SLC25A3: variants seen among roughly 807,000 people sequenced by gnomAD.
SLC25A3 encodes the protein phosphate transport protein.
Under a neutral mutation model 37.1 loss-of-function variants are expected in SLC25A3, and 14 were observed. That is an observed-to-expected ratio of 0.38 (90% CI 0.25 to 0.59). SLC25A3 has a LOEUF of 0.59. SLC25A3 is among the 20% of genes least tolerant of loss of function. The probability of loss-of-function intolerance (pLI) is 0.67; values close to 1 mark genes in which losing one functional copy is unlikely to be tolerated. For synonymous variants in SLC25A3, 161 were observed against 168.7 expected (o/e 0.95, Z 0.36); for missense variants, 385 against 458.1 (o/e 0.84, Z 1.46).
rs1455468596 is a variant in SLC25A3, at chr12:98,594,308, T to C, written c.157+173T>C. ...CGGCCTTTTCCACCATAGGCGGGTG[T>C]CAGATCCTTGGCCTTCCCTCAAGGG... is the stretch of plus-strand genomic sequence containing the variant. On this transcript the variant is annotated intron_variant, in intron 2 of 7. Transcript: ENST00000552981. 1.1e-5 allele frequency: 8 copies of C among 712,674 alleles called. No homozygotes were observed. In the Admixed American group the frequency reaches 1.6e-4, roughly 14 times the overall value. 44.1% of individuals were successfully genotyped at this position (712,674 alleles called of 1,614,324 possible). A position where few individuals can be genotyped will look rare whatever the true frequency, so the allele number is the denominator to read the frequency against.
chr12:98,594,071 C>T lies in SLC25A3; in HGVS notation c.93C>T (p.Ser31=). Residue 31 remains serine, a synonymous_variant, in exon 2 of 8, where the codon AGC becomes AGT. Transcript: ENST00000552981. ...LVHDGLGDLR[S]SSPGPTGQPR... is the part of the protein sequence containing the mutation. ...ACGATGGTCTCGGGGACCTCCGCAG[C>T]AGCTCCCCAGGGCCCACGGGCCAGC... is the stretch of plus-strand genomic sequence containing the variant. 6.2e-7 allele frequency: 1 copy of T among 1,612,678 alleles called. No homozygotes were observed. Among genetic ancestry groups the T allele is most frequent in the Non-Finnish European group, 8.5e-7 (1 of 1,179,710 alleles).
rs1197217870 is a variant in SLC25A3 at position 98,594,113 on chromosome 12, C to G, written c.135C>G (p.Asn45Lys). 1.9e-6 allele frequency: 3 copies of G among 1,611,514 alleles called. No homozygotes were observed. The highest frequency in any genetic ancestry group is 2.5e-6 in the Non-Finnish European group (3 of 1,179,136). The change falls in exon 2 of 8, where the codon AAC (asparagine) becomes AAG (lysine). Residue 45 changes from asparagine (N) to lysine (K), a missense_variant. By Grantham distance (94) the Asn-to-Lys change is moderately conservative. Coordinates refer to ENST00000552981, the MANE Select transcript of SLC25A3 (RefSeq NM_002635.4). Reference protein sequence around the residue: ...GPTGQPRRPRNLAAAAVEEYS... With the variant: ...GPTGQPRRPRKLAAAAVEEYS... ...CGGGCCAGCCCCGCCGCCCTCGCAA[C>G]CTGGCAGCCGCCGCCGTGGAAGGTG...
intron 2 of SLC25A3, chr12:98,595,438 T>A: frequency 6.2e-7 from 1 of 1,613,656 alleles, no homozygotes. Context: ...AACAGAGCAG[T>A]ATAGCTGTGA....
rs145180863 is a variant in SLC25A3, at chr12:98,594,000, C to G, written c.22C>G (p.Leu8Val). Reference protein sequence around the residue: MFSSVAHLARANPFNTPH... With the variant: MFSSVAHVARANPFNTPH... ...AAAGATGTTCTCGTCCGTGGCGCAC[C>G]TGGCGCGGGCGAACCCCTTCAACAC... is the stretch of plus-strand genomic sequence containing the variant. The change falls in exon 2 of 8, where the codon CTG (leucine) becomes GTG (valine). Residue 8 changes from leucine to valine, a missense_variant. Physicochemically the swap from Leu to Val is conservative, Grantham distance 32. Around this residue, in one of 2 missense-constraint regions of SLC25A3, gnomAD observed 109 missense variants for 90.5 expected, o/e 1.20. Coordinates refer to ENST00000552981, the MANE Select transcript of SLC25A3 (RefSeq NM_002635.4). 2.5e-6 allele frequency: 4 copies of G among 1,613,906 alleles called. No homozygotes were observed. Among genetic ancestry groups the G allele is most frequent in the Middle Eastern group, 1.6e-4 (1 of 6,062 alleles).
chr12:98,595,907 A>T, intron 3 of SLC25A3, 59 bp downstream of exon 3: 1 of 1,480,006 alleles, frequency 6.8e-7, no homozygotes, highest in Non-Finnish European at 9.5e-7. Flanking sequence ...TCTAAATAAA[A>T]TCTTAAATGA....
chr12:98,595,942 A>G, intron 3 of SLC25A3, 94 bp downstream of exon 3: 3 of 1,144,070 alleles, frequency 2.6e-6, no homozygotes, highest in African/African-American at 1.5e-5. Flanking sequence ...CACAACTGCT[A>G]GAAACTTCAG....
Position 98,605,990 on chromosome 12 carries a change from C to T in SLC25A3, c.*4462C>T, listed in dbSNP as rs917030878. The T allele has an allele frequency of 1.3e-5, 2 of 151,870 alleles. No homozygotes were observed. The highest frequency in any genetic ancestry group is 2.9e-5 in the Non-Finnish European group (2 of 68,008). The allele number at this position is 151,870 out of a possible 1,614,324, so 9.4% of individuals were successfully genotyped here. A position where few individuals can be genotyped will look rare whatever the true frequency, so the allele number is the denominator to read the frequency against. On this transcript the variant is annotated 3_prime_UTR_variant, in exon 8 of 8. Coordinates refer to ENST00000552981, the MANE Select transcript of SLC25A3 (RefSeq NM_002635.4). Reference sequence around the variant, plus strand: ...ATTAGCCAGGCATGGTGGCACGTGCCTGTAATCTCAGCTACTTAGGAAGCT... The same window carrying T: ...ATTAGCCAGGCATGGTGGCACGTGCTTGTAATCTCAGCTACTTAGGAAGCT...
intron 3 of SLC25A3, among the ~76,000 whole-genome samples, chr12:98,597,205 G>C (rs2097593728): frequency 6.6e-6 from 1 of 152,074 alleles, no homozygotes; most frequent in African/African-American, 2.4e-5. Context: ...ACTTAGGTTT[G>C]ACACAGAAAG....
Position 98,594,054 on chromosome 12 carries a change from C to G in SLC25A3, c.76C>G (p.Leu26Val), listed in dbSNP as rs2097590803. 6.2e-7 allele frequency: 1 copy of G among 1,613,170 alleles called. No individual in the cohort carries two copies. Among genetic ancestry groups the G allele is most frequent in the African/African-American group, 1.3e-5 (1 of 74,926 alleles). The change falls in exon 2 of 8, where the codon CTC (leucine) becomes GTC (valine). Residue 26 changes from leucine (L) to valine (V), a missense_variant. Physicochemically the swap from Leu to Val is conservative, Grantham distance 32 (BLOSUM62 1). Coordinates refer to ENST00000552981, the MANE Select transcript of SLC25A3 (RefSeq NM_002635.4). ...TPHLQLVHDG[L>V]GDLRSSSPGP... ...ACATCTGCAGCTGGTGCACGATGGT[C>G]TCGGGGACCTCCGCAGCAGCTCCCC...
chr12:98,595,749 C>G lies in SLC25A3; in HGVS notation c.180C>G (p.Ser60=), dbSNP rs762605379. 6.2e-7 allele frequency: 1 copy of G among 1,614,084 alleles called. No homozygotes were observed. Among genetic ancestry groups the G allele is most frequent in the Non-Finnish European group, 8.5e-7 (1 of 1,179,976 alleles). Residue 60 remains serine (S), a synonymous_variant, in exon 3 of 8, where the codon TCC becomes TCG. Coordinates refer to ENST00000552981, the MANE Select transcript of SLC25A3 (RefSeq NM_002635.4). ...AVEEYSCEFG[S]AKYYALCGFG... ...CAGAGTACAGTTGTGAATTTGGCTCCGCGAAGTATTATGCACTGTGTGGCT... is the reference window on the plus strand; with the variant it reads ...CAGAGTACAGTTGTGAATTTGGCTCGGCGAAGTATTATGCACTGTGTGGCT...
At position 98,593,786 on chromosome 12, in the gene SLC25A3, G is replaced by T. The variant is rs567370602; in HGVS notation, c.-5+46G>T. 37 of 635,484 alleles carry T rather than the reference G, an allele frequency of 5.8e-5. 2 individuals carry two copies. In the South Asian group the frequency reaches 6.4e-4, roughly 11 times the overall value. 39.4% of individuals were successfully genotyped at this position (635,484 alleles called of 1,614,324 possible). A position where few individuals can be genotyped will look rare whatever the true frequency, so the allele number is the denominator to read the frequency against. On this transcript the variant is annotated intron_variant, in intron 1 of 7. Coordinates refer to ENST00000552981, the MANE Select transcript of SLC25A3 (RefSeq NM_002635.4). The stretch of plus-strand genomic sequence containing the variant: ...TCCTGTGGCGGGTGTGGGGAGCGGA[G>T]CCCAGAGCTCCTGTGGGGCCGCTGC...
intron 3 of SLC25A3, 22 bp downstream of exon 3, chr12:98,595,870 T>C (rs2097592598): frequency 1.3e-6 from 2 of 1,599,094 alleles, no homozygotes; most frequent in Admixed American, 1.7e-5. Flanking sequence ...GATGACAACA[T>C]TGAAAGTATC....
chr12:98,598,005 T>C lies in SLC25A3; in HGVS notation c.429T>C (p.Phe143=), dbSNP rs766618563. ...GLCKFGFYEV[F]KVLYSNMLGE... is the part of the protein sequence containing the mutation. Reference sequence around the variant, plus strand: ...GCAAGTTTGGCTTTTATGAAGTCTTTAAAGTCTTGTATAGCAATATGCTTG... The same window carrying C: ...GCAAGTTTGGCTTTTATGAAGTCTTCAAAGTCTTGTATAGCAATATGCTTG... The change falls in exon 4 of 8, where the codon TTT becomes TTC. Residue 143 remains phenylalanine (F), a synonymous_variant. Transcript: ENST00000552981. 26 of 1,613,574 alleles carry C rather than the reference T, an allele frequency of 1.6e-5. No individual in the cohort carries two copies. In the South Asian group the frequency reaches 2.2e-4, roughly 14 times the overall value.
intron 2 of SLC25A3, 153 bp downstream of exon 2, chr12:98,594,288 T>C: frequency 1.4e-6 from 1 of 726,534 alleles, no homozygotes; most frequent in Non-Finnish European, 2.5e-6. Context: ...GGTATCGGCC[T>C]TTTCCACCAT....
rs749750002 is a variant in SLC25A3, at chr12:98,595,964, A to G, written c.279+116A>G. ...GCTAGAAACTTCAGTAGGAAACCACATAGAATTTCTTTAAATTGTGGGCTT... is the reference window on the plus strand; with the variant it reads ...GCTAGAAACTTCAGTAGGAAACCACGTAGAATTTCTTTAAATTGTGGGCTT... On this transcript the variant is annotated intron_variant, in intron 3 of 7. Transcript: ENST00000552981. 1.7e-5 allele frequency: 16 copies of G among 934,966 alleles called. No individual in the cohort carries two copies. In the Admixed American group the frequency reaches 2.8e-4, roughly 16 times the overall value. The allele number at this position is 934,966 out of a possible 1,614,324, so 57.9% of individuals were successfully genotyped here.
rs772332330 is a variant in SLC25A3 at position 98,598,704 on chromosome 12, G to A, written c.641+1G>A. 2 of 1,611,596 alleles carry A rather than the reference G, an allele frequency of 1.2e-6. No individual in the cohort carries two copies. The highest frequency in any genetic ancestry group is 1.7e-6 in the Non-Finnish European group (2 of 1,178,096). On this transcript the variant is annotated splice_donor_variant, in intron 5 of 7. Coordinates refer to ENST00000552981, the MANE Select transcript of SLC25A3 (RefSeq NM_002635.4). LOFTEE classifies it high-confidence loss of function. ...TGTATAAGGAAGAAGGCCTAAAAGC[G>A]TAAGTAAACACTTAAAAATTTATAC...
chr12:98,600,803 T>C (rs1555208935), intron 6 of SLC25A3, among the ~76,000 whole-genome samples: 1 of 152,226 alleles, frequency 6.6e-6, no homozygotes. Flanking sequence ...AAAGCAGTTT[T>C]ATCTTCCCAT....
chr12:98,596,421 G>T (rs528449415), intron 3 of SLC25A3, among the ~76,000 whole-genome samples: 43 of 152,290 alleles, frequency 2.8e-4, no homozygotes, highest in African/African-American at 9.1e-4. Flanking sequence ...ACCTAAAAGA[G>T]AAATGAATTT....
At chr12:98,598,343 C>A in intron 4 of SLC25A3, 179 bp from the exon 5 acceptor site, 1 of 942,188 alleles carries the variant, frequency 1.1e-6, no homozygotes, top group Non-Finnish European at 1.6e-6. Context: ...TTTGAATATT[C>A]ATGTTGTTCA....
Sources: allele counts gnomAD v4.1 joint callset (sites outside exome capture counted in the v4.1 genomes callset), GRCh38; gene constraint gnomAD v4.1.1; regional missense constraint gnomAD v4.1.1; transcripts MANE v1.5; gene names NCBI Gene and HGNC (gene_info 2026-07-23, HGNC 2026-07-21).